The following DNAI4 variants were observed in gnomAD, a reference collection of about 807,000 sequenced individuals.
The protein encoded by DNAI4 is dynein axonemal intermediate chain 4, also known as WD repeat domain 78.
In DNAI4, 85 loss-of-function variants were observed where a neutral mutation model predicts 105.8. The ratio of observed to expected loss-of-function variants is 0.80; its 90% CI spans 0.67 to 0.96. DNAI4 has a LOEUF of 0.96. Ranked by LOEUF, DNAI4 falls within the 40% of genes least tolerant of loss-of-function variation. The pLI is 0.00. For synonymous variants in DNAI4, 352 were observed against 331.5 expected (o/e 1.06, Z -0.67); for missense variants, 1,014 against 1,005.6 (o/e 1.01, Z -0.11).
At chr1:66,917,731 TTG>T (rs1650172686) in intron 1 of DNAI4, among the ~76,000 whole-genome samples, 2 of 152,258 alleles carry the variant, frequency 1.3e-5, no homozygotes, top group South Asian at 2.1e-4. Flanking sequence ...TTGGAAATAT[TTG>T]TGAGTATTCT....
chr1:66,822,652 A>G (rs981149840), intron 15 of DNAI4, 135 bp from the exon 16 acceptor site: 3 of 695,892 alleles, frequency 4.3e-6, no homozygotes, highest in Non-Finnish European at 6.5e-6. Flanking sequence ...TCCAAACTCA[A>G]AATAACTGCT....
At chr1:66,921,182 T>G (rs575272249) in intron 1 of DNAI4, 1 of 152,144 alleles carries the variant, frequency 6.6e-6, no homozygotes, top group African/African-American at 2.4e-5. Flanking sequence ...ATAAAAACAT[T>G]AAATAAGAAT....
intron 1 of DNAI4, among the ~76,000 whole-genome samples, chr1:66,910,628 C>T (rs967473445): frequency 4.6e-5 from 7 of 152,342 alleles, no homozygotes; most frequent in South Asian, 4.1e-4. Context: ...TCAGGCCTTC[C>T]GTGGCTTCCC....
intron 13 of DNAI4, among the ~76,000 whole-genome samples, chr1:66,833,301 A>G (rs1374395508): frequency 6.6e-6 from 1 of 152,176 alleles, no homozygotes; most frequent in African/African-American, 2.4e-5. Context: ...TAGTTTGTTC[A>G]TAGAGTTGTG....
intron 8 of DNAI4, among the ~76,000 whole-genome samples, chr1:66,840,909 G>A (rs111328073): frequency 6.6e-6 from 1 of 152,202 alleles, no homozygotes; most frequent in African/African-American, 2.4e-5. Context: ...AAATGGGCCA[G>A]TGTAGCACAT....
At chr1:66,838,092 G>A (rs1646069891) in intron 9 of DNAI4, among the ~76,000 whole-genome samples, 1 of 152,130 alleles carries the variant, frequency 6.6e-6, no homozygotes, top group South Asian at 2.1e-4. Flanking sequence ...GTATTAATAG[G>A]TTATAATATA....
chr1:66,865,160 C>T (rs12024247), intron 6 of DNAI4, among the ~76,000 whole-genome samples: 33,574 of 152,054 alleles, frequency 0.22, 4,181 homozygotes, highest in East Asian at 0.55. Context: ...TGATGGCTCA[C>T]GCCTGTAATC....
chr1:66,871,293 A>G, intron 6 of DNAI4, 77 bp downstream of exon 6: 2 of 1,333,886 alleles, frequency 1.5e-6, no homozygotes, highest in Non-Finnish European at 2.0e-6. Context: ...ACATTTCAAT[A>G]TTCACTTGTC....
chr1:66,878,208 T>G (rs1054193531), intron 4 of DNAI4, among the ~76,000 whole-genome samples: 1 of 152,204 alleles, frequency 6.6e-6, no homozygotes, highest in Non-Finnish European at 1.5e-5. Context: ...TCATGCGTAT[T>G]TATTTTATAA....
chr1:66,836,296 GAAA>G (rs1572619572), intron 10 of DNAI4, among the ~76,000 whole-genome samples: 2 of 149,952 alleles, frequency 1.3e-5, no homozygotes, highest in East Asian at 3.9e-4. Context: ...AAGAAAGAAA[GAAA>G]GAAAGAAAGA....
intron 7 of DNAI4, among the ~76,000 whole-genome samples, chr1:66,858,532 C>CAAAAAAAAAAAAAA (rs3033717): frequency 2.2e-4 from 14 of 63,558 alleles, no homozygotes; most frequent in South Asian, 7.1e-4. Flanking sequence ...GACTCCGTCT[C>CAAAAAAAAAAAAAA]AAAAAAAAAA....
At chr1:66,919,760 CCTGA>C (rs1650325137) in intron 1 of DNAI4, among the ~76,000 whole-genome samples, 2 of 152,188 alleles carry the variant, frequency 1.3e-5, no homozygotes, top group African/African-American at 4.8e-5. Context: ...TTTATCAGGG[CCTGA>C]CTGACATGTG....
chr1:66,826,852 G>A lies in DNAI4; in HGVS notation c.2307C>T (p.Asn769=). 1.2e-6 allele frequency: 2 copies of A among 1,614,032 alleles called. No individual in the cohort carries two copies. Among genetic ancestry groups the A allele is most frequent in the South Asian group, 1.1e-5 (1 of 91,078 alleles). Residue 769 remains asparagine (N), a synonymous_variant, in exon 15 of 17, where the codon AAC becomes AAT. Transcript: ENST00000371026. ...TATGAAGGTCCCAAATCTCCACCCT[G>A]TTCTCATTTGCAGCTGCAAATATAT... The part of the protein sequence containing the change: ...SSYIFAAANE[N]RVEIWDLHIS...
rs1646637525 is a variant in DNAI4 at position 66,862,068 on chromosome 1, T to C, written c.1096+79A>G. On this transcript the variant is annotated intron_variant, in intron 7 of 16. Coordinates refer to ENST00000371026, the MANE Select transcript of DNAI4 (RefSeq NM_024763.5). ...TTCATGGTCCATTAGAAAGAAAACA[T>C]TGTTAACTGCCAAAAAAGAATTTAT... is the stretch of plus-strand genomic sequence containing the variant. The C allele has an allele frequency of 3.6e-6, 5 of 1,372,882 alleles. No individual in the cohort carries two copies. In the South Asian group the frequency reaches 4.5e-5, roughly 12 times the overall value. The allele number at this position is 1,372,882 out of a possible 1,614,324, so 85.0% of individuals were successfully genotyped here.
Position 66,813,760 on chromosome 1 carries a change from T to A in DNAI4, c.*370A>T, listed in dbSNP as rs527087. On this transcript the variant is annotated 3_prime_UTR_variant, in exon 17 of 17. Coordinates refer to ENST00000371026, the MANE Select transcript of DNAI4 (RefSeq NM_024763.5). ...TTAAAATCAATAGAATTGTGTCTTA[T>A]AAAGATTTTGGTTTAAGTGATTCTA... is the stretch of plus-strand genomic sequence containing the variant. The A allele has an allele frequency of 5.1e-3, 810 of 159,164 alleles. 10 individuals are homozygous for A. Among genetic ancestry groups the A allele is most frequent in the African/African-American group, 0.019 (780 of 41,914 alleles). The allele number at this position is 159,164 out of a possible 1,614,324, so 9.9% of individuals were successfully genotyped here.
intron 1 of DNAI4, among the ~76,000 whole-genome samples, chr1:66,908,909 A>G (rs1283052076): frequency 6.6e-6 from 1 of 152,216 alleles, no homozygotes; most frequent in Non-Finnish European, 1.5e-5. Flanking sequence ...GCAATCTGGT[A>G]ACTTCTTCAT....
chr1:66,813,966 C>A lies in DNAI4; in HGVS notation c.*164G>T. The A allele has an allele frequency of 3.7e-6, 2 of 547,040 alleles. No homozygotes were observed. The highest frequency in any genetic ancestry group is 6.2e-6 in the Non-Finnish European group (2 of 322,452). 33.9% of individuals were successfully genotyped at this position (547,040 alleles called of 1,614,324 possible). On this transcript the variant is annotated 3_prime_UTR_variant, in exon 17 of 17. Coordinates refer to ENST00000371026, the MANE Select transcript of DNAI4 (RefSeq NM_024763.5). The stretch of plus-strand genomic sequence containing the variant: ...AATAACTCTTAGATTGTAAACTAAT[C>A]AAATATCTCTGAAATAAAAGTTTAT...
intron 1 of DNAI4, among the ~76,000 whole-genome samples, chr1:66,923,644 T>A (rs1198953371): frequency 6.6e-6 from 1 of 152,228 alleles, no homozygotes; most frequent in African/African-American, 2.4e-5. Context: ...CTGGCTTTCA[T>A]AGAAGCTGTT....
intron 4 of DNAI4, among the ~76,000 whole-genome samples, chr1:66,887,445 C>T (rs979821801): frequency 2.0e-5 from 3 of 152,152 alleles, no homozygotes; most frequent in African/African-American, 7.2e-5. Flanking sequence ...TGGAAGTCCA[C>T]CACAGAATTT....
Sources: allele counts gnomAD v4.1 joint callset (sites outside exome capture counted in the v4.1 genomes callset), GRCh38; gene constraint gnomAD v4.1.1; transcripts MANE v1.5; gene names NCBI Gene and HGNC (gene_info 2026-07-23, HGNC 2026-07-21).